SIGLEC12: variants seen among roughly 807,000 people sequenced by gnomAD.
SIGLEC12 encodes the protein sialic acid binding Ig like lectin 12.
Under a neutral mutation model 54.1 loss-of-function variants are expected in SIGLEC12, and 43 were observed. That is an observed-to-expected ratio of 0.80 (90% confidence interval 0.62 to 1.03). The LOEUF is 1.03. Ranked by LOEUF, SIGLEC12 falls within the 50% of genes least tolerant of loss-of-function variation. The probability of loss-of-function intolerance (pLI) is 0.00; values close to 1 mark genes in which losing one functional copy is unlikely to be tolerated. For synonymous variants in SIGLEC12, 357 were observed against 307.6 expected, an observed-to-expected ratio of 1.16 and a Z score of -1.68; for missense variants, 802 against 735.2, an observed-to-expected ratio of 1.09 and a Z score of -1.05.
At chr19:51,494,448 A>G (rs1990176406) in intron 7 of SIGLEC12, among the ~76,000 whole-genome samples, 1 of 152,240 alleles carries the variant, frequency 6.6e-6, no homozygotes, top group East Asian at 1.9e-4. Context: ...AAACAAACGA[A>G]AACCAAAAAG....
chr19:51,498,331 G>C (rs779823697), intron 4 of SIGLEC12, 44 bp from the exon 5 acceptor site: 1 of 1,507,368 alleles, frequency 6.6e-7, no homozygotes. Flanking sequence ...CAAAGTGATC[G>C]AGGCAGGGAG....
chr19:51,496,953 G>T lies in SIGLEC12; in HGVS notation c.1526C>A (p.Ser509Ter). 3 of 1,613,444 alleles carry T rather than the reference G, an allele frequency of 1.9e-6. No individual in the cohort carries two copies. The highest frequency in any genetic ancestry group is 1.7e-6 in the Non-Finnish European group (2 of 1,179,998). Residue 509 changes from serine to a stop codon, truncating the protein, a stop_gained, in exon 7 of 8, where the codon TCG becomes TAG. Coordinates refer to ENST00000291707, the MANE Select transcript of SIGLEC12 (RefSeq NM_053003.4). LOFTEE classifies it high-confidence loss of function. ...CCCCACGCCCACTGCTGGCCTTGCCGATTTCTTCCTGCAGGACCTCACTCT... is the reference window on the plus strand; with the variant it reads ...CCCCACGCCCACTGCTGGCCTTGCCTATTTCTTCCTGCAGGACCTCACTCT... ...FVVVRSCRKK[S>*]ARPAVGVGDT...
intron 7 of SIGLEC12, among the ~76,000 whole-genome samples, chr19:51,493,665 C>T (rs1315838687): frequency 6.6e-6 from 1 of 152,168 alleles, no homozygotes; most frequent in Non-Finnish European, 1.5e-5. Flanking sequence ...CTCTGTCATT[C>T]ACATTGTACA....
At chr19:51,491,928 A>C (rs948648047) in intron 7 of SIGLEC12, 99 bp from the exon 8 acceptor site, 2 of 911,146 alleles carry the variant, frequency 2.2e-6, no homozygotes, top group Admixed American at 6.2e-5. Flanking sequence ...TCCTCCATTC[A>C]TCCCATGTGC....
Position 51,501,362 on chromosome 19 carries a change from C to T in SIGLEC12, c.372G>A (p.Glu124=). Residue 124 remains glutamate (E), a synonymous_variant, in exon 1 of 8, where the codon GAG becomes GAA. Coordinates refer to ENST00000291707, the MANE Select transcript of SIGLEC12 (RefSeq NM_053003.4). ...SDAGTYVFCV[E]RGNMKWNYKY... is the part of the protein sequence containing the mutation. ...TATAATTCCATTTCATATTTCCTCT[C>T]TCTACACAAAAGACGTATGTCCCTG... 1 of 1,614,176 alleles carries T rather than the reference C, an allele frequency of 6.2e-7. No homozygotes were observed. Among genetic ancestry groups the T allele is most frequent in the Non-Finnish European group, 8.5e-7 (1 of 1,180,024 alleles).
Position 51,491,731 on chromosome 19 carries a change from T to G in SIGLEC12, c.1698A>C (p.Ala566=). Residue 566 remains alanine, a synonymous_variant, in exon 8 of 8, where the codon GCA becomes GCC. Transcript: ENST00000291707. ...GCCTCGCTTTGTGGAAGCTGAGGGA[T>G]GCATACTGGATCTCTCCTTCCTCTG... ...PSPEEGEIQY[A]SLSFHKARPQ... is the part of the protein sequence containing the mutation. 6.2e-7 allele frequency: 1 copy of G among 1,613,770 alleles called. No homozygotes were observed. The highest frequency in any genetic ancestry group is 1.1e-5 in the South Asian group (1 of 91,056).
intron 7 of SIGLEC12, among the ~76,000 whole-genome samples, chr19:51,495,328 G>GATGC: frequency 1.0e-5 from 1 of 98,850 alleles, no homozygotes. Context: ...TGGATGGATG[G>GATGC]ATGGATGGAT....
chr19:51,495,001 G>A (rs1364920267), intron 7 of SIGLEC12, among the ~76,000 whole-genome samples: 1 of 152,188 alleles, frequency 6.6e-6, no homozygotes, highest in Non-Finnish European at 1.5e-5. Context: ...CGGAGTTATT[G>A]TTCAACGAAT....
rs574115912 is a variant in SIGLEC12, at chr19:51,494,495, C to A, written c.1599+2385G>T. ...GGTGAGGATGTGGAGAAATGGGAAC[C>A]CTTGTGTGACATTTGTGGGAATGTA... On this transcript the variant is annotated intron_variant, in intron 7 of 7. Coordinates refer to ENST00000291707, the MANE Select transcript of SIGLEC12 (RefSeq NM_053003.4). Among the ~76,000 whole-genome samples, 276 of 152,260 alleles carry A rather than the reference C, an allele frequency of 1.8e-3. 1 individual carries two copies. The highest frequency in any genetic ancestry group is 6.3e-3 in the African/African-American group (262 of 41,542).
intron 6 of SIGLEC12, 60 bp downstream of exon 6, chr19:51,497,289 G>C: frequency 2.7e-6 from 4 of 1,472,730 alleles, no homozygotes; most frequent in Non-Finnish European, 3.8e-6. Flanking sequence ...TCTGGCTTCA[G>C]GGATTTTGTT....
At chr19:51,497,996 C>T (rs369093190) in intron 5 of SIGLEC12, 22 bp downstream of exon 5, 37 of 1,613,412 alleles carry the variant, frequency 2.3e-5, no homozygotes, top group Non-Finnish European at 3.0e-5. Context: ...TGTTCTCCTC[C>T]TCCAGACCCT....
intron 7 of SIGLEC12, among the ~76,000 whole-genome samples, chr19:51,495,479 G>A (rs1195858375): frequency 3.9e-5 from 6 of 152,026 alleles, no homozygotes; most frequent in South Asian, 2.1e-4. Context: ...ATGGATGGAC[G>A]GACGGACAGA....
intron 7 of SIGLEC12, among the ~76,000 whole-genome samples, chr19:51,495,216 G>A (rs1990196828): frequency 6.8e-6 from 1 of 147,810 alleles, no homozygotes; most frequent in Non-Finnish European, 1.5e-5. Context: ...CGGGTGGGTG[G>A]GTGGATGGAT....
chr19:51,495,681 A>T (rs1990225328), intron 7 of SIGLEC12, among the ~76,000 whole-genome samples: 1 of 152,158 alleles, frequency 6.6e-6, no homozygotes, highest in South Asian at 2.1e-4. Context: ...CTCTGTATAG[A>T]ATTAAACTTC....
rs143800743 is a variant in SIGLEC12 at position 51,501,600 on chromosome 19, G to T, written c.134C>A (p.Ser45Tyr). ...QEGLCVSVLC[S>Y]FSYPQNGWTA... ...CCAGCCATTTTGGGGGTAGGAGAAG[G>T]AGCAAAGCACAGAGACACACAGGCC... Residue 45 changes from serine to tyrosine, a missense_variant, in exon 1 of 8, where the codon TCC (serine) becomes TAC (tyrosine). By Grantham distance (144) the Ser-to-Tyr change is moderately radical. Transcript: ENST00000291707. 55 of 1,613,962 alleles carry T rather than the reference G, an allele frequency of 3.4e-5. No homozygotes were observed. Among genetic ancestry groups the T allele is most frequent in the Non-Finnish European group, 4.1e-5 (48 of 1,179,972 alleles).
In SIGLEC12 at chr19:51,496,198, G is replaced by A. The variant is rs201623048; in HGVS notation, c.1599+682C>T. Among the ~76,000 whole-genome samples, 18 of 152,302 alleles carry A rather than the reference G, an allele frequency of 1.2e-4. 1 individual carries two copies. The East Asian group carries it at 2.7e-3, about 23-fold the overall frequency. ...AAAAGTCCATGGAAAGCCTGGGCGCGGTGGCTCACGCCTATAATCCCAGCA... is the reference window on the plus strand; with the variant it reads ...AAAAGTCCATGGAAAGCCTGGGCGCAGTGGCTCACGCCTATAATCCCAGCA... On this transcript the variant is annotated intron_variant, in intron 7 of 7. Transcript: ENST00000291707.
intron 6 of SIGLEC12, 135 bp from the exon 7 acceptor site, chr19:51,497,111 G>T: frequency 7.1e-7 from 1 of 1,407,610 alleles, no homozygotes; most frequent in Non-Finnish European, 9.9e-7. Context: ...CCATTCCAGA[G>T]ACCCCAATGT....
Position 51,500,311 on chromosome 19 carries a change from A to T in SIGLEC12, c.428-11T>A. 6.2e-7 allele frequency: 1 copy of T among 1,614,096 alleles called. No individual in the cohort carries two copies. The highest frequency in any genetic ancestry group is 8.5e-7 in the Non-Finnish European group (1 of 1,180,002). On this transcript the variant is annotated splice_polypyrimidine_tract_variant and intron_variant, in intron 1 of 7. Coordinates refer to ENST00000291707, the MANE Select transcript of SIGLEC12 (RefSeq NM_053003.4). ...GTAGGTCCTGGGACGCTGTGGAGAA[A>T]CGAGGGTCAGCCCAGCCCCCACTGT... is the stretch of plus-strand genomic sequence containing the variant.
chr19:51,494,946 A>G (rs58818566), intron 7 of SIGLEC12, among the ~76,000 whole-genome samples: 17,533 of 152,142 alleles, frequency 0.12, 1,113 homozygotes, highest in Middle Eastern at 0.25. Flanking sequence ...AAAATTGGTG[A>G]TTTCCAGTGG....
Sources: gnomAD v4.1 joint callset for allele counts (sites outside exome capture counted in the v4.1 genomes callset) on GRCh38, gnomAD v4.1.1 for gene constraint, MANE v1.5 for transcripts, NCBI Gene and HGNC (gene_info 2026-07-23, HGNC 2026-07-21) for gene names.